Variants in RBFOX1 observed in about 807,000 individuals in gnomAD.
RBFOX1 encodes the protein RNA binding protein fox-1 homolog 1.
A neutral mutation model predicts 57.7 loss-of-function variants in RBFOX1; 8 were observed. The ratio of observed to expected loss-of-function variants is 0.14; its 90% CI spans 0.08 to 0.25. The LOEUF (loss-of-function observed/expected upper bound fraction) is 0.25. Ranked by LOEUF, RBFOX1 falls within the 10% of genes least tolerant of loss-of-function variation. The pLI, the probability that RBFOX1 is intolerant of heterozygous loss-of-function variation, is 1.00. For synonymous variants in RBFOX1, 326 were observed against 222.4 expected, an observed-to-expected ratio of 1.47 and a Z score of -4.15; for missense variants, 611 against 548.5, an observed-to-expected ratio of 1.11 and a Z score of -1.14.
At chr16:7,461,374 G>A (rs2059555032) in intron 4 of RBFOX1, among the ~76,000 whole-genome samples, 1 of 152,086 alleles carries the variant, frequency 6.6e-6, no homozygotes, top group African/African-American at 2.4e-5. Flanking sequence ...CACCATGTTG[G>A]CCAGGATGGT....
intron 13 of RBFOX1, among the ~76,000 whole-genome samples, chr16:7,675,463 G>A (rs2072999693): frequency 6.6e-6 from 1 of 151,536 alleles, no homozygotes; most frequent in Non-Finnish European, 1.5e-5. Flanking sequence ...AGGATGTTTT[G>A]GATGTGTCTT....
intron 4 of RBFOX1, among the ~76,000 whole-genome samples, chr16:5,902,914 C>G (rs1026177593): frequency 2.0e-5 from 3 of 152,140 alleles, no homozygotes; most frequent in South Asian, 2.1e-4. Flanking sequence ...TGACGCGTAT[C>G]GAAGTGACCA....
intron 2 of RBFOX1, among the ~76,000 whole-genome samples, chr16:6,550,309 T>A (rs2096966694): frequency 6.6e-6 from 1 of 152,144 alleles, no homozygotes; most frequent in Admixed American, 6.5e-5. Flanking sequence ...TCCAAACAGC[T>A]GGGTCTACAG....
In RBFOX1 at chr16:6,822,069, C is replaced by A. The variant is rs145052830; in HGVS notation, c.-16+167419C>A. ...AGTGATCATCATACTGAGACTACTG[C>A]CAGTGAAATGGTTGCGTGTGATTTT... On this transcript the variant is annotated intron_variant, in intron 3 of 15. Coordinates refer to ENST00000550418, the MANE Select transcript of RBFOX1 (RefSeq NM_018723.4). Among the ~76,000 whole-genome samples, 15 of 152,168 alleles carry A rather than the reference C, an allele frequency of 9.9e-5. No homozygotes were observed. In the East Asian group the frequency reaches 2.9e-3, roughly 29 times the overall value.
chr16:6,128,568 A>G (rs1362124933), intron 1 of RBFOX1, among the ~76,000 whole-genome samples: 1 of 152,228 alleles, frequency 6.6e-6, no homozygotes, highest in Admixed American at 6.5e-5. Flanking sequence ...TGACGTTCTC[A>G]CTGAGCTGAA....
chr16:6,700,633 G>A (rs1416519486), intron 3 of RBFOX1, among the ~76,000 whole-genome samples: 1 of 151,934 alleles, frequency 6.6e-6, no homozygotes, highest in Non-Finnish European at 1.5e-5. Context: ...ACTCCAGCCT[G>A]GGCAACAAAA....
intron 4 of RBFOX1, among the ~76,000 whole-genome samples, chr16:7,443,080 G>T (rs547218961): frequency 6.6e-6 from 1 of 152,170 alleles, no homozygotes; most frequent in Non-Finnish European, 1.5e-5. Context: ...TTACCCTTCA[G>T]TTGCACGAGA....
At chr16:6,847,461 G>C (rs1011450055) in intron 3 of RBFOX1, among the ~76,000 whole-genome samples, 5 of 152,050 alleles carry the variant, frequency 3.3e-5, no homozygotes, top group African/African-American at 9.7e-5. Context: ...GCAATGGGGA[G>C]CCACAGGGGG....
chr16:6,133,594 A>G (rs960819213), intron 1 of RBFOX1, among the ~76,000 whole-genome samples: 2 of 152,092 alleles, frequency 1.3e-5, no homozygotes, highest in Non-Finnish European at 2.9e-5. Context: ...TCTGTTTAAA[A>G]TCCATATCTT....
rs1006191875 is a variant in RBFOX1 at position 6,751,070 on chromosome 16, A to C, written c.-16+96420A>C. 2.6e-5 allele frequency among the ~76,000 whole-genome samples: 4 copies of C among 152,160 alleles called. No individual in the cohort carries two copies. In the East Asian group the frequency reaches 7.7e-4, roughly 29 times the overall value. On this transcript the variant is annotated intron_variant, in intron 3 of 15. Coordinates refer to ENST00000550418, the MANE Select transcript of RBFOX1 (RefSeq NM_018723.4). ...AGAACTAAAAGGAGATCAGGGTGGC[A>C]AAGCTTAGCAGAGAAGTCAGTGGAG...
chr16:5,405,040 T>C (rs2066824723), intron 1 of RBFOX1, among the ~76,000 whole-genome samples: 1 of 152,224 alleles, frequency 6.6e-6, no homozygotes, highest in Non-Finnish European at 1.5e-5. Context: ...ACTGTTATTA[T>C]TCCAGTCTTA....
At chr16:5,740,657 G>C (rs1018584740) in intron 3 of RBFOX1, among the ~76,000 whole-genome samples, 3 of 152,180 alleles carry the variant, frequency 2.0e-5, no homozygotes, top group Admixed American at 6.5e-5. Context: ...GATAGGCTCT[G>C]TTGTTTTTCT....
intron 2 of RBFOX1, among the ~76,000 whole-genome samples, chr16:6,330,294 C>G (rs2082859628): frequency 6.6e-6 from 1 of 152,164 alleles, no homozygotes; most frequent in Non-Finnish European, 1.5e-5. Context: ...AGCTCCTTTC[C>G]TAAGGCTGAC....
chr16:6,578,156 C>T (rs569222824), intron 2 of RBFOX1, among the ~76,000 whole-genome samples: 2 of 152,364 alleles, frequency 1.3e-5, no homozygotes, highest in African/African-American at 4.8e-5. Context: ...TGCATTCTAA[C>T]TACTACTAGA....
chr16:7,424,528 G>T lies in RBFOX1; in HGVS notation c.28-93619G>T, dbSNP rs1477131752. On this transcript the variant is annotated intron_variant, in intron 4 of 15. Transcript: ENST00000550418. ...ACCCACCTCGGCTTCCAAAAGTGCC[G>T]GGATTACAGGTGTGAACCACCTCAC... Among the ~76,000 whole-genome samples the T allele has an allele frequency of 3.9e-5, 6 of 152,112 alleles. No individual in the cohort carries two copies. In the South Asian group the frequency reaches 1.0e-3, roughly 26 times the overall value.
intron 3 of RBFOX1, among the ~76,000 whole-genome samples, chr16:5,828,541 T>C (rs2056155388): frequency 6.6e-6 from 1 of 151,738 alleles, no homozygotes; most frequent in African/African-American, 2.4e-5. Flanking sequence ...CTACTAAAAA[T>C]ACAAAAGATT....
At chr16:6,264,253 A>C (rs553847584) in intron 1 of RBFOX1, among the ~76,000 whole-genome samples, 1 of 152,068 alleles carries the variant, frequency 6.6e-6, no homozygotes, top group Non-Finnish European at 1.5e-5. Flanking sequence ...AAAGGAGAAA[A>C]ACTGAGGTCC....
intron 3 of RBFOX1, among the ~76,000 whole-genome samples, chr16:6,829,102 C>G (rs1038147728): frequency 1.2e-4 from 19 of 152,190 alleles, no homozygotes; most frequent in South Asian, 4.1e-4. Context: ...CTCCCCAAGC[C>G]CACTAGTATC....
At chr16:6,670,614 A>C (rs1417450109) in intron 3 of RBFOX1, among the ~76,000 whole-genome samples, 1 of 152,202 alleles carries the variant, frequency 6.6e-6, no homozygotes, top group Non-Finnish European at 1.5e-5. Flanking sequence ...AAAACCATAT[A>C]ATATACCAAT....
Sources: gnomAD v4.1 joint callset for allele counts (sites outside exome capture counted in the v4.1 genomes callset) on GRCh38, gnomAD v4.1.1 for gene constraint, MANE v1.5 for transcripts, NCBI Gene and HGNC (gene_info 2026-07-23, HGNC 2026-07-21) for gene names.